MBTD1: variants seen among roughly 807,000 people sequenced by gnomAD.
MBTD1 encodes mbt domain containing 1, also known as MBT domain-containing protein 1.
In MBTD1, 24 loss-of-function variants were observed where a neutral mutation model predicts 87.8. That is an observed-to-expected ratio of 0.27 (90% CI 0.20 to 0.38). The LOEUF (loss-of-function observed/expected upper bound fraction) is 0.38. MBTD1 is among the 10% of genes least tolerant of loss of function. MBTD1 has a pLI of 1.00. For synonymous variants in MBTD1, 237 were observed against 248.6 expected (o/e 0.95, Z 0.44); for missense variants, 436 against 760.2 (o/e 0.57, Z 5.02).
intron 12 of MBTD1, among the ~76,000 whole-genome samples, chr17:51,196,692 A>ACCAACTC (rs947806160): frequency 1.9e-4 from 29 of 148,968 alleles, no homozygotes; most frequent in Admixed American, 1.8e-3. Context: ...GGAGTTTGAG[A>ACCAACTC]CCAGACTGGC....
chr17:51,260,519 GAGGGGCCTGGGCGCA>G, upstream of MBTD1: 1 of 1,496,130 alleles, frequency 6.7e-7, no homozygotes, highest in East Asian at 2.4e-5. Context: ...GGCGGCCCGC[GAGGGGCCTGGGCGCA>G]TGCGCAGCGA....
chr17:51,203,088 G>T, intron 9 of MBTD1, 52 bp downstream of exon 9: 1 of 1,424,704 alleles, frequency 7.0e-7, no homozygotes, highest in Non-Finnish European at 9.8e-7. Flanking sequence ...AATGTTCTCT[G>T]TTACCCTTGT....
chr17:51,259,075 T>C (rs1432459388), intron 2 of MBTD1, 68 bp downstream of exon 2: 3 of 401,576 alleles, frequency 7.5e-6, no homozygotes, highest in Non-Finnish European at 1.3e-5. Context: ...TACTGAAATA[T>C]GGGCTTTCCT....
Position 51,180,503 on chromosome 17 carries a change from T to C in MBTD1, c.*73A>G. 2 of 548,592 alleles carry C rather than the reference T, an allele frequency of 3.6e-6. No individual in the cohort carries two copies. Among genetic ancestry groups the C allele is most frequent in the Non-Finnish European group, 6.0e-6 (2 of 333,612 alleles). 34.0% of individuals were successfully genotyped at this position (548,592 alleles called of 1,614,324 possible). ...AAAATGTCCCAGTAGAGTAGCCCCC[T>C]GTACAGCTGGATTGATTATAAATCA... On this transcript the variant is annotated 3_prime_UTR_variant, in exon 17 of 17. Coordinates refer to ENST00000586178, the MANE Select transcript of MBTD1 (RefSeq NM_017643.3).
rs2050876578 is a variant in MBTD1 at position 51,192,774 on chromosome 17, C to T, written c.1690+8G>A. 11 of 1,613,232 alleles carry T rather than the reference C, an allele frequency of 6.8e-6. No individual in the cohort carries two copies. The highest frequency in any genetic ancestry group is 1.7e-5 in the Admixed American group (1 of 59,928). On this transcript the variant is annotated splice_region_variant and intron_variant, in intron 15 of 16. Coordinates refer to ENST00000586178, the MANE Select transcript of MBTD1 (RefSeq NM_017643.3). Reference sequence around the variant, plus strand: ...ACAAAAGGACACCTTTTCTGTATACCAACTTACACTGTGATGCTGGAGGCT... The same window carrying T: ...ACAAAAGGACACCTTTTCTGTATACTAACTTACACTGTGATGCTGGAGGCT...
intron 16 of MBTD1, among the ~76,000 whole-genome samples, chr17:51,189,265 C>T (rs1414727637): frequency 2.6e-5 from 4 of 152,146 alleles, no homozygotes; most frequent in African/African-American, 9.7e-5. Context: ...TTCCAATGCA[C>T]ATCTGGTCCC....
At chr17:51,249,739 G>C (rs1031999393) in intron 2 of MBTD1, 2 of 151,992 alleles carry the variant, frequency 1.3e-5, no homozygotes, top group African/African-American at 4.8e-5. Flanking sequence ...CAGTATTTTG[G>C]AAAGTCTTCG....
chr17:51,235,415 G>C (rs143721804), intron 2 of MBTD1, among the ~76,000 whole-genome samples: 179 of 152,278 alleles, frequency 1.2e-3, no homozygotes, highest in African/African-American at 4.0e-3. Context: ...TGGAATTACA[G>C]GTGTGACCCA....
At chr17:51,238,124 G>A (rs1203240877) in intron 2 of MBTD1, among the ~76,000 whole-genome samples, 1 of 152,132 alleles carries the variant, frequency 6.6e-6, no homozygotes, top group African/African-American at 2.4e-5. Flanking sequence ...AGTTATAAAG[G>A]AGCATGAGGA....
chr17:51,251,344 T>C (rs9896627), intron 2 of MBTD1: 119,558 of 152,116 alleles, frequency 0.79, 47,132 homozygotes, highest in South Asian at 0.88. Context: ...ACTGCCATGT[T>C]TCCAAGTCTT....
At chr17:51,246,406 C>T (rs2054437642) in intron 2 of MBTD1, among the ~76,000 whole-genome samples, 1 of 152,088 alleles carries the variant, frequency 6.6e-6, no homozygotes, top group African/African-American at 2.4e-5. Context: ...TTTTGGACTT[C>T]AGGTTTTTGG....
intron 15 of MBTD1, 139 bp downstream of exon 15, chr17:51,192,642 AG>A: frequency 7.0e-7 from 1 of 1,438,052 alleles, no homozygotes; most frequent in Non-Finnish European, 9.3e-7. Flanking sequence ...ATTGTTGTTG[AG>A]TCTTAATGTC....
chr17:51,217,304 T>G (rs959131034), intron 6 of MBTD1, 30 bp downstream of exon 6: 16 of 1,338,124 alleles, frequency 1.2e-5, no homozygotes, highest in Admixed American at 6.7e-5. Flanking sequence ...ACTAAGTACT[T>G]CAAAATAAGG....
intron 7 of MBTD1, among the ~76,000 whole-genome samples, chr17:51,205,643 T>C (rs1271201424): frequency 1.3e-5 from 2 of 152,034 alleles, no homozygotes; most frequent in Non-Finnish European, 2.9e-5. Context: ...ACGTGCTGTA[T>C]GAAAGGGAGA....
rs2050211028 is a variant in MBTD1, at chr17:51,179,492, A to ATATATATATATATATATATT, written c.*1083_*1084insAATATATATATATATATATA. The stretch of plus-strand genomic sequence containing the variant: ...TACAATTAAAGACAATTTTATATAT[A>ATATATATATATATATATATT]TATATATATATATATATATATATAT... On this transcript the variant is annotated 3_prime_UTR_variant, in exon 17 of 17. Transcript: ENST00000586178. The ATATATATATATATATATATT allele has an allele frequency of 6.5e-5, 2 of 30,972 alleles. No individual in the cohort carries two copies. Among genetic ancestry groups the ATATATATATATATATATATT allele is most frequent in the Admixed American group, 7.6e-4 (2 of 2,620 alleles). The allele number at this position is 30,972 out of a possible 1,614,324, so 1.9% of individuals were successfully genotyped here.
chr17:51,248,482 T>C (rs546832984), intron 2 of MBTD1, among the ~76,000 whole-genome samples: 103 of 152,352 alleles, frequency 6.8e-4, no homozygotes, highest in African/African-American at 2.4e-3. Flanking sequence ...GTTGAACACT[T>C]ATCAAAATAT....
chr17:51,197,282 A>G (rs1213642569), intron 12 of MBTD1, among the ~76,000 whole-genome samples: 1 of 150,524 alleles, frequency 6.6e-6, no homozygotes, highest in Non-Finnish European at 1.5e-5. Context: ...TTGTATTTTT[A>G]GTAGAGATGG....
Position 51,259,172 on chromosome 17 carries a change from G to A in MBTD1, c.-78C>T. 2 of 966,664 alleles carry A rather than the reference G, an allele frequency of 2.1e-6. No homozygotes were observed. The highest frequency in any genetic ancestry group is 2.7e-6 in the Non-Finnish European group (2 of 745,442). The allele number at this position is 966,664 out of a possible 1,614,324, so 59.9% of individuals were successfully genotyped here. Reference sequence around the variant, plus strand: ...TGTCAGAGAGGCTGCAGAGGGGACGGCTGCTTTGGATGACCTCTAATGTCT... The same window carrying A: ...TGTCAGAGAGGCTGCAGAGGGGACGACTGCTTTGGATGACCTCTAATGTCT... On this transcript the variant is annotated 5_prime_UTR_variant, in exon 2 of 17. Coordinates refer to ENST00000586178, the MANE Select transcript of MBTD1 (RefSeq NM_017643.3).
chr17:51,239,262 T>C (rs938065701), intron 2 of MBTD1, among the ~76,000 whole-genome samples: 2 of 152,218 alleles, frequency 1.3e-5, no homozygotes, highest in African/African-American at 4.8e-5. Flanking sequence ...ACTAATACAC[T>C]TTTTATTTTT....
Sources: allele counts gnomAD v4.1 joint callset (sites outside exome capture counted in the v4.1 genomes callset), GRCh38; gene constraint gnomAD v4.1.1; transcripts MANE v1.5; gene names NCBI Gene and HGNC (gene_info 2026-07-23, HGNC 2026-07-21).